Variants in SLC30A8 observed in about 807,000 individuals in gnomAD.
The protein encoded by SLC30A8 is proton-coupled zinc antiporter SLC30A8.
Under a neutral mutation model 36.9 loss-of-function variants are expected in SLC30A8, and 27 were observed. The observed-to-expected ratio is 0.73, with a 90% CI of 0.54 to 1.01. SLC30A8 has a LOEUF of 1.01. Ranked by LOEUF, SLC30A8 falls within the 50% of genes least tolerant of loss-of-function variation. SLC30A8 has a pLI of 0.00. For missense variants in SLC30A8, 439 were observed against 452.0 expected (o/e 0.97, Z 0.26); for synonymous variants, 164 against 172.4 (o/e 0.95, Z 0.38).
intron 2 of SLC30A8, among the ~76,000 whole-genome samples, chr8:117,045,734 G>T (rs937019007): frequency 2.0e-5 from 3 of 152,198 alleles, no homozygotes; most frequent in Non-Finnish European, 4.4e-5. Context: ...AGCGTGGCCA[G>T]TGCAGAGCTG....
intron 2 of SLC30A8, among the ~76,000 whole-genome samples, chr8:117,075,650 C>T (rs955207313): frequency 6.6e-6 from 1 of 152,092 alleles, no homozygotes; most frequent in Admixed American, 6.6e-5. Context: ...CTGTTTAAAT[C>T]GTCTTTTTAT....
intron 1 of SLC30A8, among the ~76,000 whole-genome samples, chr8:116,954,657 T>C (rs983485944): frequency 2.6e-5 from 4 of 152,176 alleles, no homozygotes; most frequent in African/African-American, 9.6e-5. Context: ...AAGCAGGAGA[T>C]GCGAAAATGA....
chr8:116,951,662 C>G (rs62512735), intron 1 of SLC30A8, among the ~76,000 whole-genome samples: 32,303 of 151,796 alleles, frequency 0.21, 4,199 homozygotes, highest in Middle Eastern at 0.32. Flanking sequence ...TTGGTGATTC[C>G]TTGTATTTTT....
chr8:117,165,695 G>T (rs1323469518), intron 6 of SLC30A8, among the ~76,000 whole-genome samples: 1 of 152,146 alleles, frequency 6.6e-6, no homozygotes, highest in East Asian at 1.9e-4. Context: ...AGATTTGACT[G>T]GAGCATCAAA....
Position 117,000,637 on chromosome 8 carries a change from A to C in SLC30A8, c.-265-38582A>C, listed in dbSNP as rs183009474. Among the ~76,000 whole-genome samples, 10 of 152,334 alleles carry C rather than the reference A, an allele frequency of 6.6e-5. No individual in the cohort carries two copies. In the East Asian group the frequency reaches 1.9e-3, roughly 29 times the overall value. ...CTGATGCTCAAATGTTAAGACAGAA[A>C]AAAAAGAAAAAGCAATACAAGAAAG... On this transcript the variant is annotated intron_variant, in intron 1 of 10. Transcript: ENST00000427715.
chr8:117,100,884 G>A (rs182144760), intron 2 of SLC30A8, among the ~76,000 whole-genome samples: 371 of 152,240 alleles, frequency 2.4e-3, no homozygotes, highest in Non-Finnish European at 4.0e-3. Context: ...ATTCATGAAT[G>A]TAACTCTTCT....
At chr8:117,105,248 A>G (rs1819936190) in intron 2 of SLC30A8, among the ~76,000 whole-genome samples, 2 of 152,158 alleles carry the variant, frequency 1.3e-5, no homozygotes, top group Admixed American at 6.6e-5. Flanking sequence ...TGACATTTCT[A>G]TTAGAATCTC....
intron 1 of SLC30A8, among the ~76,000 whole-genome samples, chr8:117,137,478 AAAC>A (rs1213931163): frequency 8.6e-5 from 13 of 152,036 alleles, no homozygotes; most frequent in Admixed American, 7.9e-4. Flanking sequence ...GTAGTGGCTT[AAAC>A]AACAACTATT....
chr8:117,027,096 G>A (rs1363018006), intron 1 of SLC30A8, among the ~76,000 whole-genome samples: 1 of 152,176 alleles, frequency 6.6e-6, no homozygotes, highest in Non-Finnish European at 1.5e-5. Flanking sequence ...CTGAGACCTA[G>A]GTCTTGCAGG....
intron 1 of SLC30A8, among the ~76,000 whole-genome samples, chr8:117,137,487 CTATTT>C: frequency 6.6e-6 from 1 of 152,084 alleles, no homozygotes; most frequent in South Asian, 2.1e-4. Context: ...TAAACAACAA[CTATTT>C]TATTACGATT....
chr8:117,097,567 TA>T (rs1447692298), intron 2 of SLC30A8, among the ~76,000 whole-genome samples: 2 of 107,702 alleles, frequency 1.9e-5, no homozygotes. Flanking sequence ...ATATTATATA[TA>T]ATATATAATT....
intron 2 of SLC30A8, among the ~76,000 whole-genome samples, chr8:117,098,087 A>G (rs913249027): frequency 1.4e-4 from 19 of 140,266 alleles, no homozygotes; most frequent in African/African-American, 2.6e-5. Context: ...AATTATATAT[A>G]TTATATATAA....
intron 2 of SLC30A8, among the ~76,000 whole-genome samples, chr8:117,118,738 G>A (rs570198435): frequency 6.6e-6 from 1 of 151,890 alleles, no homozygotes; most frequent in East Asian, 1.9e-4. Flanking sequence ...CCTTTTCTAA[G>A]CATACCTCCT....
chr8:117,082,998 C>A (rs1364516570), intron 2 of SLC30A8, among the ~76,000 whole-genome samples: 2 of 152,146 alleles, frequency 1.3e-5, no homozygotes, highest in African/African-American at 4.8e-5. Flanking sequence ...ATGACCGTGA[C>A]TAAAAGACAT....
intron 2 of SLC30A8, among the ~76,000 whole-genome samples, chr8:117,051,492 T>A (rs1817706085): frequency 6.6e-6 from 1 of 152,168 alleles, no homozygotes; most frequent in African/African-American, 2.4e-5. Flanking sequence ...ATTCTTGCTG[T>A]GGTACTTCAT....
At chr8:117,113,918 A>C (rs1033766578) in intron 2 of SLC30A8, among the ~76,000 whole-genome samples, 1 of 152,150 alleles carries the variant, frequency 6.6e-6, no homozygotes, top group Non-Finnish European at 1.5e-5. Context: ...ACATGGGTAG[A>C]TTTATAAAAC....
At chr8:116,987,232 T>C (rs1300118738) in intron 1 of SLC30A8, among the ~76,000 whole-genome samples, 3 of 140,808 alleles carry the variant, frequency 2.1e-5, no homozygotes, top group Non-Finnish European at 4.5e-5. Context: ...AAATAAACAT[T>C]ATCTAGAGAT....
chr8:117,139,659 C>T (rs188707077), intron 1 of SLC30A8, among the ~76,000 whole-genome samples: 27 of 152,118 alleles, frequency 1.8e-4, no homozygotes, highest in Admixed American at 7.2e-4. Flanking sequence ...AGGCCAAAAT[C>T]TGGGTGTGAT....
chr8:117,125,740 G>A (rs1444513841), intron 2 of SLC30A8, among the ~76,000 whole-genome samples: 3 of 151,944 alleles, frequency 2.0e-5, no homozygotes, highest in Non-Finnish European at 4.4e-5. Context: ...AAATAATGTA[G>A]AACTCCTCAT....
Sources: allele counts gnomAD v4.1 joint callset (sites outside exome capture counted in the v4.1 genomes callset), GRCh38; gene constraint gnomAD v4.1.1; transcripts MANE v1.5; gene names NCBI Gene and HGNC (gene_info 2026-07-23, HGNC 2026-07-21).